Variants in KIAA0825 observed in about 807,000 individuals in gnomAD.
KIAA0825 encodes the protein KIAA0825, also known as uncharacterized protein KIAA0825.
KIAA0825 carries 119 observed loss-of-function variants against 147.6 expected under a neutral mutation model. The ratio of observed to expected loss-of-function variants is 0.81; its 90% CI spans 0.69 to 0.94. KIAA0825 has a LOEUF of 0.94. KIAA0825 is among the 40% of genes least tolerant of loss of function. KIAA0825 has a pLI of 0.00. For synonymous variants in KIAA0825, 470 were observed against 518.1 expected, an observed-to-expected ratio of 0.91 and a Z score of 1.26; for missense variants, 1,381 against 1,472.7, an observed-to-expected ratio of 0.94 and a Z score of 1.02.
At chr5:94,584,920 A>T (rs1053913689) in intron 1 of KIAA0825, among the ~76,000 whole-genome samples, 4 of 152,196 alleles carry the variant, frequency 2.6e-5, no homozygotes, top group Non-Finnish European at 2.9e-5. Flanking sequence ...TCAACCCAGA[A>T]TTTCATATTG....
intron 20 of KIAA0825, among the ~76,000 whole-genome samples, chr5:94,224,661 A>T (rs547550400): frequency 6.6e-6 from 1 of 152,130 alleles, no homozygotes; most frequent in South Asian, 2.1e-4. Context: ...TACTATTAAT[A>T]TATTCTTAAA....
In KIAA0825 at chr5:94,205,268, CATATATATATATATATATAT is replaced by C. The variant is rs5869623; in HGVS notation, c.3711-51164_3711-51145del. Among the ~76,000 whole-genome samples the C allele has an allele frequency of 4.2e-3, 379 of 90,296 alleles. 9 individuals are homozygous for C. Among genetic ancestry groups the C allele is most frequent in the African/African-American group, 0.016 (367 of 22,402 alleles). 59.2% of individuals were successfully genotyped at this position (90,296 alleles called of 152,430 possible). ...ACTATGATTTCTGTGACTATTTAAT[CATATATATATATATATATAT>C]ATATATATATATTTTGTTTTGTTTT... On this transcript the variant is annotated intron_variant, in intron 20 of 20. Coordinates refer to ENST00000682413, the MANE Select transcript of KIAA0825 (RefSeq NM_001145678.3).
At chr5:94,312,618 C>T (rs1483661230) in intron 20 of KIAA0825, among the ~76,000 whole-genome samples, 1 of 151,726 alleles carries the variant, frequency 6.6e-6, no homozygotes, top group Non-Finnish European at 1.5e-5. Context: ...AAAACTCATT[C>T]TCTTGAATTC....
intron 20 of KIAA0825, among the ~76,000 whole-genome samples, chr5:94,301,464 A>G (rs1199064803): frequency 6.6e-6 from 1 of 152,064 alleles, no homozygotes; most frequent in Non-Finnish European, 1.5e-5. Flanking sequence ...ATTACCTGCT[A>G]TACAAGGTGG....
At chr5:94,482,111 C>A (rs1262551550) in intron 6 of KIAA0825, among the ~76,000 whole-genome samples, 6 of 151,924 alleles carry the variant, frequency 3.9e-5, no homozygotes, top group African/African-American at 1.5e-4. Flanking sequence ...GAATCATGAC[C>A]AAACAAAAGC....
chr5:94,502,670 A>C (rs546768583), intron 5 of KIAA0825, among the ~76,000 whole-genome samples: 16 of 152,238 alleles, frequency 1.1e-4, no homozygotes, highest in African/African-American at 3.1e-4. Flanking sequence ...CACTTTGATT[A>C]TTTCTTCAAC....
chr5:94,361,854 A>C (rs985908662), intron 20 of KIAA0825, among the ~76,000 whole-genome samples: 3 of 152,174 alleles, frequency 2.0e-5, no homozygotes, highest in Non-Finnish European at 2.9e-5. Context: ...ACAGACTTGG[A>C]AGCATCACTC....
chr5:94,590,625 A>G (rs1338059322), intron 1 of KIAA0825, among the ~76,000 whole-genome samples: 1 of 152,236 alleles, frequency 6.6e-6, no homozygotes, highest in East Asian at 1.9e-4. Flanking sequence ...TGTAAAATCA[A>G]TACATAACTG....
rs147355585 is a variant in KIAA0825 at position 94,385,628 on chromosome 5, A to C, written c.3619+614T>G. On this transcript the variant is annotated intron_variant, in intron 19 of 20. Coordinates refer to ENST00000682413, the MANE Select transcript of KIAA0825 (RefSeq NM_001145678.3). ...ACTTTGGCAGAAAGACGATCTTTTC[A>C]GTGTAACTACTGAAACATGCGGCTT... Among the ~76,000 whole-genome samples, 8 of 152,236 alleles carry C rather than the reference A, an allele frequency of 5.3e-5. No individual in the cohort carries two copies. In the East Asian group the frequency reaches 1.5e-3, roughly 29 times the overall value.
intron 20 of KIAA0825, among the ~76,000 whole-genome samples, chr5:94,227,351 A>T (rs1278925774): frequency 6.6e-6 from 1 of 151,940 alleles, no homozygotes; most frequent in African/African-American, 2.4e-5. Flanking sequence ...GAACAATGAG[A>T]ACACATGGAC....
At chr5:94,590,534 G>C (rs1394871112) in intron 1 of KIAA0825, among the ~76,000 whole-genome samples, 1 of 152,126 alleles carries the variant, frequency 6.6e-6, no homozygotes. Context: ...TAAGAACTAA[G>C]GTGAGGATGC....
At chr5:94,549,145 T>C (rs1775029060) in intron 2 of KIAA0825, among the ~76,000 whole-genome samples, 1 of 152,164 alleles carries the variant, frequency 6.6e-6, no homozygotes, top group Non-Finnish European at 1.5e-5. Flanking sequence ...TTCAGTGTAT[T>C]TCGCTCCTCA....
At chr5:94,488,940 A>T (rs1763382679) in intron 5 of KIAA0825, among the ~76,000 whole-genome samples, 3 of 152,162 alleles carry the variant, frequency 2.0e-5, no homozygotes, top group African/African-American at 7.2e-5. Flanking sequence ...ATCAACACAG[A>T]TCTACTCACT....
At position 94,417,252 on chromosome 5, in the gene KIAA0825, C is replaced by G. The variant is rs759567627; in HGVS notation, c.2611G>C (p.Val871Leu). The change falls in exon 15 of 21, where the codon GTG (valine) becomes CTG (leucine). Residue 871 changes from valine (V) to leucine (L), a missense_variant. Transcript: ENST00000682413. ...FSPQTFANVFVSYMEEEQLWD... is the reference protein window; with the variant it reads ...FSPQTFANVFLSYMEEEQLWD... ...AATTGCTCTTCTTCCATGTAGCTCA[C>G]AAAAACGTTTGCAAATGTTTGTGGA... 1 of 1,550,976 alleles carries G rather than the reference C, an allele frequency of 6.4e-7. No individual in the cohort carries two copies. The highest frequency in any genetic ancestry group is 1.2e-5 in the South Asian group (1 of 84,026).
intron 15 of KIAA0825, among the ~76,000 whole-genome samples, chr5:94,407,703 T>G (rs573822203): frequency 2.6e-5 from 4 of 152,256 alleles, no homozygotes; most frequent in South Asian, 4.1e-4. Context: ...TGTTAATGGG[T>G]ACAGGGTTTC....
chr5:94,275,215 T>C (rs1471822030), intron 20 of KIAA0825, among the ~76,000 whole-genome samples: 28 of 152,164 alleles, frequency 1.8e-4, no homozygotes, highest in Admixed American at 1.8e-3. Flanking sequence ...AATCTAGATA[T>C]ACAGATATAA....
intron 20 of KIAA0825, among the ~76,000 whole-genome samples, chr5:94,339,049 TTTC>T (rs1174570681): frequency 1.3e-5 from 2 of 152,180 alleles, no homozygotes; most frequent in African/African-American, 4.8e-5. Flanking sequence ...CACATATTTC[TTTC>T]TTCTTCCTTA....
chr5:94,576,236 T>C (rs1468084934), intron 2 of KIAA0825, among the ~76,000 whole-genome samples: 1 of 152,150 alleles, frequency 6.6e-6, no homozygotes, highest in East Asian at 1.9e-4. Context: ...AATAAGAGAA[T>C]CAACATTTAT....
intron 2 of KIAA0825, among the ~76,000 whole-genome samples, chr5:94,580,299 G>A (rs1781847298): frequency 1.3e-5 from 2 of 152,088 alleles, no homozygotes; most frequent in African/African-American, 4.8e-5. Flanking sequence ...GCAAGAAAAA[G>A]TCAATAAATA....
Sources: gnomAD v4.1 joint callset for allele counts (sites outside exome capture counted in the v4.1 genomes callset) on GRCh38, gnomAD v4.1.1 for gene constraint, MANE v1.5 for transcripts, NCBI Gene and HGNC (gene_info 2026-07-23, HGNC 2026-07-21) for gene names.